GPD2: variants seen among roughly 807,000 people sequenced by gnomAD.
The protein encoded by GPD2 is glycerol-3-phosphate dehydrogenase 2, also known as glycerol-3-phosphate dehydrogenase, mitochondrial.
GPD2 carries 54 observed loss-of-function variants against 82.4 expected under a neutral mutation model. The ratio of observed to expected loss-of-function variants is 0.66; its 90% CI spans 0.53 to 0.82. GPD2 has a LOEUF of 0.82. GPD2 is among the 40% of genes least tolerant of loss of function. The pLI is 0.00. For missense variants in GPD2, 748 were observed against 896.2 expected, an observed-to-expected ratio of 0.83 and a Z score of 2.11; for synonymous variants, 288 against 306.1, an observed-to-expected ratio of 0.94 and a Z score of 0.62.
At chr2:156,503,933 G>A (rs894150457) in intron 3 of GPD2, among the ~76,000 whole-genome samples, 3 of 151,932 alleles carry the variant, frequency 2.0e-5, no homozygotes, top group Non-Finnish European at 4.4e-5. Context: ...AAAATAAAAC[G>A]CAACAGCAGC....
At chr2:156,535,842 G>A (rs949616963) in intron 6 of GPD2, among the ~76,000 whole-genome samples, 11 of 152,130 alleles carry the variant, frequency 7.2e-5, no homozygotes, top group African/African-American at 2.7e-4. Context: ...AACCCTCTGG[G>A]GAGTGAAGAA....
chr2:156,481,381 A>G (rs1683725015), intron 2 of GPD2, among the ~76,000 whole-genome samples: 1 of 152,122 alleles, frequency 6.6e-6, no homozygotes, highest in Non-Finnish European at 1.5e-5. Context: ...TTCAGCATAT[A>G]GTGTTACAAA....
At chr2:156,453,604 A>G (rs766963062) in intron 1 of GPD2, among the ~76,000 whole-genome samples, 5 of 152,174 alleles carry the variant, frequency 3.3e-5, no homozygotes, top group Non-Finnish European at 5.9e-5. Flanking sequence ...GAAAACAGCA[A>G]TGATGGCCGG....
chr2:156,541,066 T>G (rs1432331498), intron 6 of GPD2, among the ~76,000 whole-genome samples: 1 of 152,258 alleles, frequency 6.6e-6, no homozygotes, highest in Non-Finnish European at 1.5e-5. Flanking sequence ...AGAACTATTT[T>G]GTCATAGCAT....
chr2:156,404,500 A>G, the GPD2 span, among the ~76,000 whole-genome samples: 2 of 152,102 alleles, frequency 1.3e-5, no homozygotes, highest in Admixed American at 6.6e-5. Context: ...GTAAACTTAG[A>G]TAACTCATTA....
At chr2:156,466,200 A>C (rs1169900069) in intron 1 of GPD2, among the ~76,000 whole-genome samples, 1 of 152,238 alleles carries the variant, frequency 6.6e-6, no homozygotes, top group Non-Finnish European at 1.5e-5. Context: ...ACGACTTTAA[A>C]CACAAATCCG....
intron 8 of GPD2, among the ~76,000 whole-genome samples, chr2:156,552,986 A>G (rs7556729): frequency 0.73 from 107,675 of 147,500 alleles, 39,008 homozygotes; most frequent in Middle Eastern, 0.83. Context: ...TGCAACCTCC[A>G]CCTCCTGAGT....
Position 156,571,228 on chromosome 2 carries a change from A to G in GPD2, c.1703A>G (p.Glu568Gly), listed in dbSNP as rs144155292. 1 of 1,612,830 alleles carries G rather than the reference A, an allele frequency of 6.2e-7. No individual in the cohort carries two copies. The highest frequency in any genetic ancestry group is 8.5e-7 in the Non-Finnish European group (1 of 1,178,868). Reference protein sequence around the residue: ...LAFLNVQAAEEALPRIVELMG... With the variant: ...LAFLNVQAAEGALPRIVELMG... ...TTTCTAAATGTCCAGGCAGCAGAGGAAGCCCTACCCAGGATTGTTGAACTG... is the reference window on the plus strand; with the variant it reads ...TTTCTAAATGTCCAGGCAGCAGAGGGAGCCCTACCCAGGATTGTTGAACTG... Residue 568 changes from glutamate (E) to glycine (G), a missense_variant, in exon 13 of 17, where the codon GAA (glutamate) becomes GGA (glycine). Physicochemically the swap from Glu to Gly is moderately conservative, Grantham distance 98. Around this residue, in one of 3 missense-constraint regions of GPD2, gnomAD observed 692 missense variants for 809.7 expected, o/e 0.85. Coordinates refer to ENST00000438166, the MANE Select transcript of GPD2 (RefSeq NM_000408.5).
At chr2:156,521,786 A>G (rs1323490379) in intron 6 of GPD2, among the ~76,000 whole-genome samples, 1 of 152,234 alleles carries the variant, frequency 6.6e-6, no homozygotes, top group Non-Finnish European at 1.5e-5. Context: ...CCTCTTAGAC[A>G]TTGATTTAAA....
chr2:156,565,799 A>G (rs1022569846), intron 9 of GPD2, among the ~76,000 whole-genome samples: 3 of 151,662 alleles, frequency 2.0e-5, no homozygotes, highest in Non-Finnish European at 4.4e-5. Context: ...GTCATCCAAC[A>G]TAGCTTGTTT....
chr2:156,419,756 G>A, the GPD2 span, among the ~76,000 whole-genome samples: 1 of 152,218 alleles, frequency 6.6e-6, no homozygotes, highest in African/African-American at 2.4e-5. Context: ...TCACCTAAGT[G>A]TTTTTATAGT....
intron 6 of GPD2, among the ~76,000 whole-genome samples, chr2:156,548,744 T>C (rs1389179681): frequency 6.6e-6 from 1 of 152,202 alleles, no homozygotes. Flanking sequence ...TCCCAATGTG[T>C]GGGAATTTGA....
upstream of GPD2, among the ~76,000 whole-genome samples, chr2:156,436,069 G>C (rs1426254387): frequency 6.6e-6 from 1 of 152,230 alleles, no homozygotes; most frequent in Admixed American, 6.5e-5. Flanking sequence ...CCCACCCGGC[G>C]GCAGGACCCG....
Position 156,557,423 on chromosome 2 carries a change from A to G in GPD2, c.1006A>G (p.Ser336Gly). The change falls in exon 9 of 17, where the codon AGT becomes GGT. Residue 336 changes from serine to glycine, a missense_variant. This residue lies in a region of GPD2 where 692 missense variants were observed against 809.7 expected (regional missense o/e 0.85). Transcript: ENST00000438166. The part of the protein sequence containing the change: ...ESMGLLDPAT[S>G]DGRVIFFLPW... ...CATGGGACTTCTTGACCCAGCGACC[A>G]GTGATGGGCGAGTTATTTTCTTCTT... 6.2e-7 allele frequency: 1 copy of G among 1,610,972 alleles called. No homozygotes were observed. The highest frequency in any genetic ancestry group is 1.7e-5 in the Admixed American group (1 of 60,006).
the GPD2 span, among the ~76,000 whole-genome samples, chr2:156,414,899 A>C: frequency 6.6e-6 from 1 of 152,188 alleles, no homozygotes; most frequent in African/African-American, 2.4e-5. Flanking sequence ...ATAAGGATAT[A>C]AAATGTCATA....
At chr2:156,504,539 T>C (rs1226151227) in intron 3 of GPD2, among the ~76,000 whole-genome samples, 1 of 152,108 alleles carries the variant, frequency 6.6e-6, no homozygotes, top group African/African-American at 2.4e-5. Context: ...AGAGTGATTA[T>C]TCTCACCTTT....
intron 1 of GPD2, among the ~76,000 whole-genome samples, chr2:156,470,678 A>C (rs933334436): frequency 2.6e-5 from 4 of 152,108 alleles, no homozygotes; most frequent in African/African-American, 9.7e-5. Context: ...TATGAATGGG[A>C]GGAGGTAGAA....
At chr2:156,492,383 C>A (rs1479243370) in intron 2 of GPD2, among the ~76,000 whole-genome samples, 1 of 151,336 alleles carries the variant, frequency 6.6e-6, no homozygotes, top group Non-Finnish European at 1.5e-5. Context: ...GAACTCCTGA[C>A]CTCAGGTGAT....
At chr2:156,554,479 A>G (rs1330072556) in intron 8 of GPD2, among the ~76,000 whole-genome samples, 3 of 152,218 alleles carry the variant, frequency 2.0e-5, no homozygotes, top group Non-Finnish European at 4.4e-5. Flanking sequence ...TTTCAGAAGT[A>G]TCTTTACAGC....
Sources: gnomAD v4.1 joint callset for allele counts (sites outside exome capture counted in the v4.1 genomes callset) on GRCh38, gnomAD v4.1.1 for gene constraint, gnomAD v4.1.1 regional missense constraint, MANE v1.5 for transcripts, NCBI Gene and HGNC (gene_info 2026-07-23, HGNC 2026-07-21) for gene names.